DYRK3: variants seen among roughly 807,000 people sequenced by gnomAD.
DYRK3 encodes the protein dual specificity tyrosine-phosphorylation-regulated kinase 3.
A neutral mutation model predicts 40.8 loss-of-function variants in DYRK3; 30 were observed. The observed-to-expected ratio is 0.74, with a 90% confidence interval of 0.55 to 1.00. The LOEUF is 1.00. Ranked by LOEUF, DYRK3 falls within the 50% of genes least tolerant of loss-of-function variation. DYRK3 has a pLI of 0.00. For missense variants in DYRK3, 699 were observed against 731.5 expected (o/e 0.96, Z 0.51); for synonymous variants, 272 against 260.7 (o/e 1.04, Z -0.42).
chr1:206,647,943 C>T lies in DYRK3; in HGVS notation c.745C>T (p.Gln249Ter). 6.2e-7 allele frequency: 1 copy of T among 1,614,096 alleles called. No homozygotes were observed. Among genetic ancestry groups the T allele is most frequent in the East Asian group, 2.2e-5 (1 of 44,876 alleles). The change falls in exon 3 of 3, where the codon CAA (glutamine) becomes TAA (stop). Residue 249 changes from glutamine to a stop codon, truncating the protein, a stop_gained. Coordinates refer to ENST00000367109, the MANE Select transcript of DYRK3 (RefSeq NM_003582.4). LOFTEE classifies it high-confidence loss of function. The part of the protein sequence containing the change: ...MVRNEKRFHR[Q>*]AAEEIRILEH... ...GCGCAATGAGAAGCGCTTTCATCGT[C>T]AAGCAGCTGAGGAGATCCGGATTTT...
Position 206,647,767 on chromosome 1 carries a change from A to G in DYRK3, c.569A>G (p.Tyr190Cys). Reference protein sequence around the residue: ...GVIGGPNNGGYDDADGAYIHV... With the variant: ...GVIGGPNNGGCDDADGAYIHV... The stretch of plus-strand genomic sequence containing the variant: ...ATTGGTGGTCCCAATAATGGAGGGT[A>G]TGATGATGCAGATGGGGCCTATATT... Residue 190 changes from tyrosine (Y) to cysteine (C), a missense_variant, in exon 3 of 3, where the codon TAT (tyrosine) becomes TGT (cysteine). Transcript: ENST00000367109. 6.2e-7 allele frequency: 1 copy of G among 1,614,176 alleles called. No individual in the cohort carries two copies. The highest frequency in any genetic ancestry group is 1.1e-5 in the South Asian group (1 of 91,080).
At position 206,648,504 on chromosome 1, in the gene DYRK3, T is replaced by C; in HGVS notation, c.1306T>C (p.Ser436Pro). The C allele has an allele frequency of 1.9e-6, 3 of 1,614,066 alleles. No individual in the cohort carries two copies. The highest frequency in any genetic ancestry group is 2.5e-6 in the Non-Finnish European group (3 of 1,180,020). Reference sequence around the variant, plus strand: ...GCCACCACCAAAACTTCTGGAGCAATCCAAACGTGCCAAGTACTTTATTAA... The same window carrying C: ...GCCACCACCAAAACTTCTGGAGCAACCCAAACGTGCCAAGTACTTTATTAA... ...GMPPPKLLEQ[S>P]KRAKYFINSK... The change falls in exon 3 of 3, where the codon TCC becomes CCC. Residue 436 changes from serine (S) to proline (P), a missense_variant. Transcript: ENST00000367109.
chr1:206,639,976 C>T (rs1349229383), intron 2 of DYRK3, among the ~76,000 whole-genome samples: 1 of 147,968 alleles, frequency 6.8e-6, no homozygotes, highest in East Asian at 2.0e-4. Flanking sequence ...GCTCTCTCGC[C>T]CAGGCTGGAG....
intron 2 of DYRK3, among the ~76,000 whole-genome samples, chr1:206,640,196 A>G (rs1671246776): frequency 6.6e-6 from 1 of 152,074 alleles, no homozygotes; most frequent in Non-Finnish European, 1.5e-5. Context: ...TCAGCCTCCC[A>G]AAGTGCAGGC....
In DYRK3 at chr1:206,648,740, T is replaced by C. The variant is rs782310002; in HGVS notation, c.1542T>C (p.Ala514=). 1 of 1,614,070 alleles carries C rather than the reference T, an allele frequency of 6.2e-7. No homozygotes were observed. The stretch of plus-strand genomic sequence containing the variant: ...ACCCCTCTGCCCGCTTGACCCCAGC[T>C]CAAGCATTAAGACACCCTTGGATTA... ...HWDPSARLTP[A]QALRHPWISK... is the part of the protein sequence containing the mutation. Residue 514 remains alanine (A), a synonymous_variant, in exon 3 of 3, where the codon GCT becomes GCC. Coordinates refer to ENST00000367109, the MANE Select transcript of DYRK3 (RefSeq NM_003582.4).
At chr1:206,636,292 A>G in intron 1 of DYRK3, 1 of 223,612 alleles carries the variant, frequency 4.5e-6, no homozygotes, top group East Asian at 1.2e-4. Context: ...CTTGCGTTGT[A>G]TTTTACACCT....
Position 206,648,898 on chromosome 1 carries a change from C to A in DYRK3, c.1700C>A (p.Ala567Asp). The change falls in exon 3 of 3, where the codon GCT becomes GAT. Residue 567 changes from alanine to aspartate, a missense_variant. Ala to Asp is a moderately radical substitution (Grantham distance 126). Transcript: ENST00000367109. ...GTTGGAATAGCCAATAAGCTTAAAG[C>A]TAACTTAATGTCAGAAACCAATGGT... ...PVVGIANKLK[A>D]NLMSETNGSI... 1 of 1,614,136 alleles carries A rather than the reference C, an allele frequency of 6.2e-7. No homozygotes were observed. Among genetic ancestry groups the A allele is most frequent in the Non-Finnish European group, 8.5e-7 (1 of 1,180,030 alleles).
Position 206,648,026 on chromosome 1 carries a change from A to G in DYRK3, c.828A>G (p.Glu276=), listed in dbSNP as rs782510096. The part of the protein sequence containing the change: ...TGSMNVIHML[E]SFTFRNHVCM... Reference sequence around the variant, plus strand: ...GTATGAACGTTATCCACATGCTGGAAAGTTTCACATTCCGGAACCATGTTT... The same window carrying G: ...GTATGAACGTTATCCACATGCTGGAGAGTTTCACATTCCGGAACCATGTTT... The change falls in exon 3 of 3, where the codon GAA becomes GAG. Residue 276 remains glutamate, a synonymous_variant. Transcript: ENST00000367109. 3.7e-6 allele frequency: 6 copies of G among 1,614,074 alleles called. No homozygotes were observed. In the African/African-American group the frequency reaches 6.7e-5, roughly 18 times the overall value.
intron 1 of DYRK3, 121 bp downstream of exon 1, chr1:206,635,901 G>C: frequency 1.5e-6 from 2 of 1,290,548 alleles, no homozygotes; most frequent in Non-Finnish European, 2.0e-6. Context: ...GAGGGCAGGG[G>C]TCTGACTGCC....
At position 206,650,195 on chromosome 1, in the gene DYRK3, T is replaced by G. The variant is rs576308658; in HGVS notation, c.*1230T>G. On this transcript the variant is annotated 3_prime_UTR_variant, in exon 3 of 3. Coordinates refer to ENST00000367109, the MANE Select transcript of DYRK3 (RefSeq NM_003582.4). ...CAGAAGCTAACTCACTGCTACTGGG[T>G]TTTGTTTGTTGTTTCCTGTCCCTTG... 2.5e-4 allele frequency among the ~76,000 whole-genome samples: 38 copies of G among 152,238 alleles called. No individual in the cohort carries two copies. Among genetic ancestry groups the G allele is most frequent in the African/African-American group, 8.7e-4 (36 of 41,544 alleles).
At position 206,649,044 on chromosome 1, in the gene DYRK3, C is replaced by T. The variant is rs201510016; in HGVS notation, c.*79C>T. The T allele has an allele frequency of 1.2e-4, 174 of 1,409,278 alleles. 2 individuals are homozygous for T. The South Asian group carries it at 2.3e-3, about 18-fold the overall frequency. 87.3% of individuals were successfully genotyped at this position (1,409,278 alleles called of 1,614,324 possible). A position where few individuals can be genotyped will look rare whatever the true frequency, so the allele number is the denominator to read the frequency against. On this transcript the variant is annotated 3_prime_UTR_variant, in exon 3 of 3. Transcript: ENST00000367109. ...ACCTGCAAATGGAAAAAATGCAAGC[C>T]CATTGGTGGATGTTTTTGTTAGAGT...
rs782728270 is a variant in DYRK3 at position 206,647,380 on chromosome 1, T to A, written c.190-8T>A. ...TTTAATGACTTATATTCATTTTCTC[T>A]TTCATAGATGACCACTGAGCAGTTT... On this transcript the variant is annotated splice_polypyrimidine_tract_variant and splice_region_variant and intron_variant, in intron 2 of 2. Transcript: ENST00000367109. 23 of 1,572,088 alleles carry A rather than the reference T, an allele frequency of 1.5e-5. No homozygotes were observed. Among genetic ancestry groups the A allele is most frequent in the Non-Finnish European group, 1.9e-5 (22 of 1,160,978 alleles).
At chr1:206,636,808 A>C in intron 1 of DYRK3, 1 of 1,014,972 alleles carries the variant, frequency 9.9e-7, no homozygotes, top group Non-Finnish European at 1.4e-6. Flanking sequence ...GTAGCAGATG[A>C]AATACATTAT....
chr1:206,644,030 G>GTTTTTT (rs1558557214), intron 2 of DYRK3, among the ~76,000 whole-genome samples: 3 of 88,072 alleles, frequency 3.4e-5, no homozygotes, highest in Non-Finnish European at 5.2e-5. Flanking sequence ...GGGACCTACA[G>GTTTTTT]CTTTTTTTTT....
chr1:206,640,089 C>A (rs1572442407), intron 2 of DYRK3, among the ~76,000 whole-genome samples: 1 of 151,770 alleles, frequency 6.6e-6, no homozygotes, highest in East Asian at 2.0e-4. Flanking sequence ...GCATCTGCCA[C>A]CATGCCTGGC....
chr1:206,649,175 A>G lies in DYRK3; in HGVS notation c.*210A>G, dbSNP rs1671563020. On this transcript the variant is annotated 3_prime_UTR_variant, in exon 3 of 3. Coordinates refer to ENST00000367109, the MANE Select transcript of DYRK3 (RefSeq NM_003582.4). Reference sequence around the variant, plus strand: ...ATTGGCCATCTGGAATATGCATTAAATGACTTTTTATAGGTCAATGCATCT... The same window carrying G: ...ATTGGCCATCTGGAATATGCATTAAGTGACTTTTTATAGGTCAATGCATCT... 1 of 523,204 alleles carries G rather than the reference A, an allele frequency of 1.9e-6. No individual in the cohort carries two copies. The highest frequency in any genetic ancestry group is 3.3e-6 in the Non-Finnish European group (1 of 298,912). The allele number at this position is 523,204 out of a possible 1,614,324, so 32.4% of individuals were successfully genotyped here. A position where few individuals can be genotyped will look rare whatever the true frequency, so the allele number is the denominator to read the frequency against.
intron 2 of DYRK3, 119 bp from the exon 3 acceptor site, chr1:206,647,269 C>T (rs1311202587): frequency 9.6e-7 from 1 of 1,046,176 alleles, no homozygotes; most frequent in South Asian, 1.9e-5. Context: ...CTTTTTGGGT[C>T]ATTTTAACCT....
rs1481247959 is a variant in DYRK3, at chr1:206,653,044, CAG to C, written c.*4082_*4083del. ...TTTTCTTTATTTTTTCTTTTTGAGA[CAG>C]AGTCTCGCTCTGTCGTCCAGGCTGG... On this transcript the variant is annotated 3_prime_UTR_variant, in exon 3 of 3. Transcript: ENST00000367109. Among the ~76,000 whole-genome samples the C allele has an allele frequency of 1.3e-5, 2 of 152,048 alleles. No individual in the cohort carries two copies. Among genetic ancestry groups the C allele is most frequent in the African/African-American group, 4.8e-5 (2 of 41,404 alleles).
rs1671689071 is a variant in DYRK3, at chr1:206,653,745, CT to C, written c.*4781del. Among the ~76,000 whole-genome samples the C allele has an allele frequency of 6.6e-6, 1 of 152,318 alleles. No homozygotes were observed. The highest frequency in any genetic ancestry group is 2.4e-5 in the African/African-American group (1 of 41,572). On this transcript the variant is annotated 3_prime_UTR_variant, in exon 3 of 3. Coordinates refer to ENST00000367109, the MANE Select transcript of DYRK3 (RefSeq NM_003582.4). ...AAAACCTAACTATGATGTAAGGATT[CT>C]GCTTCTGCCCCACAGGGGCTCTGAA... is the stretch of plus-strand genomic sequence containing the variant.
Sources: gnomAD v4.1 joint callset for allele counts (sites outside exome capture counted in the v4.1 genomes callset) on GRCh38, gnomAD v4.1.1 for gene constraint, MANE v1.5 for transcripts, NCBI Gene and HGNC (gene_info 2026-07-23, HGNC 2026-07-21) for gene names.